The following TENT5D variants were observed in gnomAD, a reference collection of about 807,000 sequenced individuals.
TENT5D encodes the protein terminal nucleotidyltransferase 5D, also known as cancer/testis antigen 112.
For synonymous variants in TENT5D, 103 were observed against 100.6 expected (o/e 1.02, Z -0.15); for missense variants, 191 against 287.0 (o/e 0.67, Z 2.42).
chrX:80,369,582 T>A, intron 3 of TENT5D, among the ~76,000 whole-genome samples: 1 of 112,256 alleles, frequency 8.9e-6, no homozygotes, highest in Non-Finnish European at 1.9e-5. Context: ...CAACAGCTAA[T>A]ATTATTGTTA....
chrX:80,351,475 T>C (rs992505818), intron 3 of TENT5D, among the ~76,000 whole-genome samples: 1 of 108,488 alleles, frequency 9.2e-6, no homozygotes, highest in Admixed American at 1.0e-4. Context: ...ACGAAGTTCT[T>C]GTGCTGTGTT....
At chrX:80,439,895 T>C (rs899655819) in intron 2 of TENT5D, among the ~76,000 whole-genome samples, 2 of 110,879 alleles carry the variant, frequency 1.8e-5, no homozygotes, top group Admixed American at 9.7e-5. Flanking sequence ...ACAGTAGAGG[T>C]AGTTAGTGAC....
intron 3 of TENT5D, among the ~76,000 whole-genome samples, chrX:80,409,087 T>C (rs1931572995): frequency 9.1e-6 from 1 of 109,294 alleles, no homozygotes; most frequent in Non-Finnish European, 1.9e-5. Flanking sequence ...TAGGTATTGA[T>C]GGGACGTATT....
intron 3 of TENT5D, among the ~76,000 whole-genome samples, chrX:80,368,094 A>G (rs1417884784): frequency 8.9e-6 from 1 of 111,836 alleles, no homozygotes; most frequent in Non-Finnish European, 1.9e-5. Flanking sequence ...AAAATATTTC[A>G]TGTATTCTAT....
In TENT5D at chrX:80,385,354, A is replaced by T. The variant is rs181903151; in HGVS notation, c.-142+42790A>T. 1.9e-3 allele frequency among the ~76,000 whole-genome samples: 213 copies of T among 111,909 alleles called. 2 individuals are homozygous for T. The highest frequency in any genetic ancestry group is 6.8e-3 in the African/African-American group (210 of 30,854). ...CCCCATTTAATAAATGGTGCAGGGA[A>T]AACTGGCTAGCCATATATAGAAAGC... is the stretch of plus-strand genomic sequence containing the variant. On this transcript the variant is annotated intron_variant, in intron 3 of 4. Coordinates refer to the TENT5D transcript ENST00000538312.
intron 2 of TENT5D, among the ~76,000 whole-genome samples, chrX:80,338,457 G>A (rs1335260167): frequency 1.8e-5 from 2 of 112,176 alleles, no homozygotes; most frequent in African/African-American, 6.5e-5. Context: ...TTTGACATGA[G>A]CAAAACTAAT....
rs1184735915 is a variant in TENT5D at position 80,370,478 on chromosome X, CAT to C, written c.-142+27915_-142+27916del. 1.1e-4 allele frequency among the ~76,000 whole-genome samples: 12 copies of C among 112,036 alleles called. No homozygotes were observed. In the East Asian group the frequency reaches 1.4e-3, roughly 13 times the overall value. On this transcript the variant is annotated intron_variant, in intron 3 of 4. Coordinates refer to the TENT5D transcript ENST00000538312. ...ATATTTTTCCCAATAGTTTTCTACT[CAT>C]GTGTATATGTATAGCATATGTTTCA...
intron 3 of TENT5D, among the ~76,000 whole-genome samples, chrX:80,387,190 G>A (rs1931032855): frequency 8.9e-6 from 1 of 111,862 alleles, no homozygotes; most frequent in South Asian, 3.7e-4. Flanking sequence ...TGCAGCCAAG[G>A]GTCTTCTTAG....
chrX:80,344,197 C>T (rs749506624), intron 3 of TENT5D, among the ~76,000 whole-genome samples: 4 of 109,994 alleles, frequency 3.6e-5, no homozygotes, highest in Non-Finnish European at 7.6e-5. Context: ...TCTAGTCCGC[C>T]GTTGATGGGT....
At chrX:80,418,025 AT>A (rs1931810573), upstream of TENT5D, among the ~76,000 whole-genome samples, 1 of 110,702 alleles carries the variant, frequency 9.0e-6, no homozygotes, top group African/African-American at 3.3e-5. Flanking sequence ...ATTTTTAAAA[AT>A]TTTTTTCCAA....
At chrX:80,360,550 A>G (rs1037844170) in intron 3 of TENT5D, among the ~76,000 whole-genome samples, 1 of 112,149 alleles carries the variant, frequency 8.9e-6, no homozygotes, top group Non-Finnish European at 1.9e-5. Flanking sequence ...GAACTATGAA[A>G]TCGTTTTTGT....
chrX:80,343,391 CTTTTTTT>C (rs775221687), intron 3 of TENT5D, among the ~76,000 whole-genome samples: 2 of 83,373 alleles, frequency 2.4e-5, no homozygotes, highest in East Asian at 3.7e-4. Flanking sequence ...CATTTTATTT[CTTTTTTT>C]TTTTTTTTTT....
intron 2 of TENT5D, among the ~76,000 whole-genome samples, chrX:80,440,374 T>C (rs1191025468): frequency 9.0e-6 from 1 of 110,885 alleles, no homozygotes; most frequent in African/African-American, 3.3e-5. Flanking sequence ...TTCTCTGATA[T>C]CTAGGAGCAG....
chrX:80,335,911 A>AAT (rs1006410448), intron 2 of TENT5D, among the ~76,000 whole-genome samples: 4 of 110,123 alleles, frequency 3.6e-5, no homozygotes, highest in African/African-American at 6.6e-5. Context: ...TTTTTTTTTC[A>AAT]ATATATATAT....
At chrX:80,345,259 A>G (rs1215211171) in intron 3 of TENT5D, among the ~76,000 whole-genome samples, 1 of 111,430 alleles carries the variant, frequency 9.0e-6, no homozygotes, top group Admixed American at 9.6e-5. Flanking sequence ...TCCATGTATC[A>G]TCAGAGATTC....
At chrX:80,348,141 A>G (rs1930104799) in intron 3 of TENT5D, among the ~76,000 whole-genome samples, 1 of 110,480 alleles carries the variant, frequency 9.1e-6, no homozygotes, top group East Asian at 2.9e-4. Flanking sequence ...TTTGCTTAAG[A>G]TGGTCTTGGC....
chrX:80,412,011 G>C (rs768019414), intron 3 of TENT5D, among the ~76,000 whole-genome samples: 10 of 112,336 alleles, frequency 8.9e-5, no homozygotes, highest in Non-Finnish European at 1.7e-4. Flanking sequence ...CCCCACCCCT[G>C]GAGCAAACTT....
upstream of TENT5D, among the ~76,000 whole-genome samples, chrX:80,419,922 C>G (rs1294654768): frequency 1.8e-5 from 2 of 111,270 alleles, no homozygotes; most frequent in Admixed American, 1.9e-4. Context: ...TCTATCTTGC[C>G]CAGGCTAGTC....
chrX:80,347,122 T>C (rs1930080061), intron 3 of TENT5D, among the ~76,000 whole-genome samples: 1 of 111,692 alleles, frequency 9.0e-6, no homozygotes, highest in Admixed American at 9.5e-5. Context: ...ATTGTAAATA[T>C]TGCTGCAATA....
Sources: gnomAD v4.1 joint callset for allele counts (sites outside exome capture counted in the v4.1 genomes callset) on GRCh38, gnomAD v4.1.1 for gene constraint, MANE v1.5 for transcripts, NCBI Gene and HGNC (gene_info 2026-07-23, HGNC 2026-07-21) for gene names.